Variants in DCDC2 observed in about 807,000 individuals in gnomAD.
DCDC2 encodes the protein doublecortin domain containing 2, also known as doublecortin domain-containing protein 2.
Under a neutral mutation model 50.2 loss-of-function variants are expected in DCDC2, and 40 were observed. The ratio of observed to expected loss-of-function variants is 0.80; its 90% confidence interval spans 0.62 to 1.04. The LOEUF is 1.04. DCDC2 is among the 50% of genes least tolerant of loss of function. The pLI is 0.00. For synonymous variants in DCDC2, 234 were observed against 210.6 expected (o/e 1.11, Z -0.96); for missense variants, 570 against 581.9 (o/e 0.98, Z 0.21).
intron 2 of DCDC2, among the ~76,000 whole-genome samples, chr6:24,310,512 C>T (rs1227095405): frequency 6.6e-6 from 1 of 152,072 alleles, no homozygotes; most frequent in Non-Finnish European, 1.5e-5. Context: ...TTGGTATTTC[C>T]CCCCAAGAAT....
chr6:24,220,889 AGTGAGCGAGC>A (rs1762094247), intron 7 of DCDC2, among the ~76,000 whole-genome samples: 1 of 142,342 alleles, frequency 7.0e-6, no homozygotes, highest in Non-Finnish European at 1.6e-5. Context: ...AGAGCGAGAG[AGTGAGCGAGC>A]GAGCGAGAGA....
intron 7 of DCDC2, among the ~76,000 whole-genome samples, chr6:24,248,687 A>T (rs1346632198): frequency 6.6e-6 from 1 of 152,172 alleles, no homozygotes; most frequent in Non-Finnish European, 1.5e-5. Flanking sequence ...ACTACATGCC[A>T]CGTACTCCAC....
In DCDC2 at chr6:24,174,749, TC is replaced by T. The variant is rs1393321057; in HGVS notation, c.1411del (p.Asp471ThrfsTer49). Reference sequence around the variant, plus strand: ...AATGTTCTAAGCCACGGCAGCATAGTCCTTGTTTTGTTGGTTGTTTTCATTT... The same window carrying T: ...AATGTTCTAAGCCACGGCAGCATAGTCTTGTTTTGTTGGTTGTTTTCATTT... ...EENENNQQNK[D>X]YAAVA On this transcript the variant is annotated frameshift_variant, in exon 10 of 10. Transcript: ENST00000378454. LOFTEE classifies it high-confidence loss of function. 1 of 1,613,324 alleles carries T rather than the reference TC, an allele frequency of 6.2e-7. No homozygotes were observed. The highest frequency in any genetic ancestry group is 1.7e-5 in the Admixed American group (1 of 59,996).
intron 7 of DCDC2, among the ~76,000 whole-genome samples, chr6:24,250,226 G>A (rs1189516447): frequency 1.3e-5 from 2 of 152,180 alleles, no homozygotes; most frequent in Admixed American, 6.5e-5. Context: ...CAAACCAGAG[G>A]TGAGTACAAA....
At chr6:24,237,423 C>T (rs938672843) in intron 7 of DCDC2, among the ~76,000 whole-genome samples, 1 of 151,934 alleles carries the variant, frequency 6.6e-6, no homozygotes, top group South Asian at 2.1e-4. Flanking sequence ...AAAAATAACA[C>T]ACGTTGTGAG....
At chr6:24,270,629 C>A (rs1763217815) in intron 7 of DCDC2, among the ~76,000 whole-genome samples, 2 of 152,036 alleles carry the variant, frequency 1.3e-5, no homozygotes, top group Non-Finnish European at 2.9e-5. Context: ...TCACCCCAGG[C>A]CTGACAAGGA....
intron 8 of DCDC2, among the ~76,000 whole-genome samples, chr6:24,202,794 A>T (rs879049528): frequency 6.6e-6 from 1 of 152,232 alleles, no homozygotes; most frequent in African/African-American, 2.4e-5. Flanking sequence ...AAGTCTCAGG[A>T]TACAAAATCA....
intron 6 of DCDC2, among the ~76,000 whole-genome samples, chr6:24,279,000 C>T (rs1229502940): frequency 6.6e-6 from 1 of 152,170 alleles, no homozygotes; most frequent in Non-Finnish European, 1.5e-5. Context: ...GGTGATCACA[C>T]CTTCCATGGT....
At chr6:24,281,731 T>C (rs1763476999) in intron 6 of DCDC2, among the ~76,000 whole-genome samples, 1 of 152,122 alleles carries the variant, frequency 6.6e-6, no homozygotes, top group Admixed American at 6.5e-5. Flanking sequence ...CTCAAATACA[T>C]AGATAGTCAT....
chr6:24,244,982 G>A (rs150011375), intron 7 of DCDC2, among the ~76,000 whole-genome samples: 160 of 152,214 alleles, frequency 1.1e-3, no homozygotes, highest in Non-Finnish European at 2.0e-3. Context: ...ATCACTCAAA[G>A]CCAGGAGTTC....
At chr6:24,313,341 C>T (rs1759604634) in intron 2 of DCDC2, among the ~76,000 whole-genome samples, 1 of 151,898 alleles carries the variant, frequency 6.6e-6, no homozygotes, top group African/African-American at 2.4e-5. Flanking sequence ...AGAGAATTCT[C>T]AGAAGTCTAC....
chr6:24,212,470 G>A (rs561671574), intron 7 of DCDC2, among the ~76,000 whole-genome samples: 1 of 151,960 alleles, frequency 6.6e-6, no homozygotes, highest in African/African-American at 2.4e-5. Flanking sequence ...TCTCCTACCA[G>A]GTGCAAAACA....
chr6:24,178,654 T>C lies in DCDC2; in HGVS notation c.1024-22A>G, dbSNP rs763068019. On this transcript the variant is annotated intron_variant, in intron 8 of 9. Coordinates refer to ENST00000378454, the MANE Select transcript of DCDC2 (RefSeq NM_016356.5). ...GCCTCTGATGGATCAAAAGGAATAATGGATAAAAGTAAGAAGCATAACAGA... is the reference window on the plus strand; with the variant it reads ...GCCTCTGATGGATCAAAAGGAATAACGGATAAAAGTAAGAAGCATAACAGA... The C allele has an allele frequency of 4.4e-6, 7 of 1,597,570 alleles. No homozygotes were observed. In the East Asian group the frequency reaches 1.1e-4, roughly 25 times the overall value.
upstream of DCDC2, among the ~76,000 whole-genome samples, chr6:24,360,602 T>C (rs1760650015): frequency 6.6e-6 from 1 of 152,166 alleles, no homozygotes; most frequent in Admixed American, 6.5e-5. Flanking sequence ...TCCAGTCCAG[T>C]CTGGGACATA....
In DCDC2 at chr6:24,317,771, AT is replaced by A. The variant is rs1328304189; in HGVS notation, c.349-15728del. Among the ~76,000 whole-genome samples, 6 of 151,436 alleles carry A rather than the reference AT, an allele frequency of 4.0e-5. No individual in the cohort carries two copies. In the South Asian group the frequency reaches 6.3e-4, roughly 16 times the overall value. On this transcript the variant is annotated intron_variant, in intron 2 of 9. Transcript: ENST00000378454. ...CAGAGATAAAGCATAAATATCCTTA[AT>A]GTAAAAAGAACTCTTTATACAAATA...
intron 7 of DCDC2, among the ~76,000 whole-genome samples, chr6:24,224,441 A>C (rs781105319): frequency 1.3e-5 from 2 of 152,180 alleles, no homozygotes; most frequent in African/African-American, 4.8e-5. Flanking sequence ...GCTGTTAAAC[A>C]CCTAAGATGA....
the DCDC2 span, among the ~76,000 whole-genome samples, chr6:24,370,902 G>T: frequency 6.6e-6 from 1 of 152,066 alleles, no homozygotes; most frequent in Non-Finnish European, 1.5e-5. Context: ...CCATGCCATG[G>T]AATATTAGTC....
Position 24,205,071 on chromosome 6 carries a change from C to G in DCDC2, c.954G>C (p.Arg318Ser). ...DEGIFKAGAE[R>S]SETRGAAEVQ... ...CTTCTGCTGCCCCCCGTGTTTCAGA[C>G]CTCTCTGCTCCAGCTTTGAAAATGC... The change falls in exon 8 of 10, where the codon AGG (arginine) becomes AGC (serine). Residue 318 changes from arginine to serine, a missense_variant. Physicochemically the swap from Arg to Ser is moderately radical, Grantham distance 110 (BLOSUM62 -1). Coordinates refer to ENST00000378454, the MANE Select transcript of DCDC2 (RefSeq NM_016356.5). The G allele has an allele frequency of 6.2e-7, 1 of 1,614,134 alleles. No individual in the cohort carries two copies. Among genetic ancestry groups the G allele is most frequent in the Non-Finnish European group, 8.5e-7 (1 of 1,179,986 alleles).
At chr6:24,358,899 AATATATTATATATTATATATATT>A (rs1760554728), upstream of DCDC2, among the ~76,000 whole-genome samples, 4 of 21,498 alleles carry the variant, frequency 1.9e-4, no homozygotes, top group Non-Finnish European at 2.9e-4. Context: ...TTATATATAT[AATATATTATATATTATATATATT>A]ATATATTATA....
Sources: allele counts gnomAD v4.1 joint callset (sites outside exome capture counted in the v4.1 genomes callset), GRCh38; gene constraint gnomAD v4.1.1; transcripts MANE v1.5; gene names NCBI Gene and HGNC (gene_info 2026-07-23, HGNC 2026-07-21).